The following DNAH11 variants were observed in gnomAD, a reference collection of about 807,000 sequenced individuals.
The protein encoded by DNAH11 is axonemal beta dynein heavy chain 11.
Under a neutral mutation model 526.0 loss-of-function variants are expected in DNAH11, and 442 were observed. That is an observed-to-expected ratio of 0.84 (90% CI 0.78 to 0.91). The LOEUF (loss-of-function observed/expected upper bound fraction) is 0.91. Ranked by LOEUF, DNAH11 falls within the 40% of genes least tolerant of loss-of-function variation. The pLI is 0.00. For missense variants in DNAH11, 6,989 were observed against 5,448.7 expected, an observed-to-expected ratio of 1.28 and a Z score of -8.90; for synonymous variants, 2,461 against 1,935.9, an observed-to-expected ratio of 1.27 and a Z score of -7.12.
chr7:21,760,794 T>C lies in DNAH11; in HGVS notation c.8941-4634T>C, dbSNP rs537564205. Among the ~76,000 whole-genome samples the C allele has an allele frequency of 2.0e-5, 3 of 152,308 alleles. No individual in the cohort carries two copies. The South Asian group carries it at 6.2e-4, about 32-fold the overall frequency. ...CCATTAGAGTCCATGAAATGCTGGT[T>C]AGCCACCTTCCCACCAGTCTGTGTA... On this transcript the variant is annotated intron_variant, in intron 54 of 81. Coordinates refer to ENST00000409508, the MANE Select transcript of DNAH11 (RefSeq NM_001277115.2).
At chr7:21,705,439 A>C in intron 38 of DNAH11, 21 bp from the exon 39 acceptor site, 2 of 1,613,160 alleles carry the variant, frequency 1.2e-6, no homozygotes, top group East Asian at 4.5e-5. Flanking sequence ...GGAAACCAGC[A>C]ACCAGCTGTT....
chr7:21,871,561 C>G (rs1001243643), intron 73 of DNAH11, among the ~76,000 whole-genome samples: 1 of 152,162 alleles, frequency 6.6e-6, no homozygotes, highest in African/African-American at 2.4e-5. Flanking sequence ...GCCCATAAGA[C>G]AGAGAATGAA....
intron 65 of DNAH11, among the ~76,000 whole-genome samples, chr7:21,842,306 A>G (rs1032737138): frequency 3.3e-5 from 5 of 152,204 alleles, no homozygotes; most frequent in African/African-American, 4.8e-5. Flanking sequence ...CAGTGACACT[A>G]TGGGGTGAGT....
intron 57 of DNAH11, among the ~76,000 whole-genome samples, chr7:21,783,357 C>T (rs1247404517): frequency 6.6e-6 from 1 of 152,206 alleles, no homozygotes; most frequent in Non-Finnish European, 1.5e-5. Flanking sequence ...AGGGTAATTA[C>T]TGCTAATAAA....
At chr7:21,876,715 A>G (rs766763233) in intron 74 of DNAH11, among the ~76,000 whole-genome samples, 35 of 152,232 alleles carry the variant, frequency 2.3e-4, no homozygotes, top group Non-Finnish European at 4.8e-4. Flanking sequence ...CAGCCCCCAT[A>G]TCCACATTCC....
At chr7:21,796,381 T>C (rs1008970179) in intron 61 of DNAH11, among the ~76,000 whole-genome samples, 7 of 152,074 alleles carry the variant, frequency 4.6e-5, no homozygotes, top group Non-Finnish European at 7.4e-5. Context: ...CATTTGCCTT[T>C]TGGAAAGATA....
At chr7:21,668,069 CTT>C (rs1436510092) in intron 30 of DNAH11, among the ~76,000 whole-genome samples, 2 of 152,222 alleles carry the variant, frequency 1.3e-5, no homozygotes, top group East Asian at 3.9e-4. Flanking sequence ...TTCTAATATA[CTT>C]GATAGAAAAA....
At chr7:21,570,028 A>T in intron 6 of DNAH11, 41 bp from the exon 7 acceptor site, 1 of 1,442,452 alleles carries the variant, frequency 6.9e-7, no homozygotes, top group Non-Finnish European at 9.3e-7. Flanking sequence ...AAAAACTGTT[A>T]AACATAGTTT....
intron 28 of DNAH11, among the ~76,000 whole-genome samples, chr7:21,651,233 A>C (rs1781752263): frequency 6.6e-6 from 1 of 152,244 alleles, no homozygotes; most frequent in South Asian, 2.1e-4. Context: ...TATCCCATTA[A>C]TAAGCGGCAG....
At chr7:21,740,629 G>A (rs1295834680) in intron 48 of DNAH11, among the ~76,000 whole-genome samples, 1 of 152,174 alleles carries the variant, frequency 6.6e-6, no homozygotes, top group Non-Finnish European at 1.5e-5. Flanking sequence ...ATTCGTTGAT[G>A]GACACTTGGG....
Position 21,878,190 on chromosome 7 carries a change from C to G in DNAH11, c.12196-2512C>G, listed in dbSNP as rs575840908. Among the ~76,000 whole-genome samples, 10 of 152,286 alleles carry G rather than the reference C, an allele frequency of 6.6e-5. No individual in the cohort carries two copies. In the South Asian group the frequency reaches 1.7e-3, roughly 25 times the overall value. ...CCTGAACTGTGGAATGGTAGGTAGA[C>G]TCATACCTTTTCTTCAGAAAGCCTG... On this transcript the variant is annotated intron_variant, in intron 74 of 81. Transcript: ENST00000409508.
At chr7:21,776,012 C>G (rs1009755700) in intron 56 of DNAH11, among the ~76,000 whole-genome samples, 1 of 152,262 alleles carries the variant, frequency 6.6e-6, no homozygotes, top group Middle Eastern at 3.4e-3. Context: ...CTGGACCATT[C>G]CAGTGGTGGC....
intron 30 of DNAH11, among the ~76,000 whole-genome samples, chr7:21,660,311 A>G (rs550039192): frequency 2.0e-5 from 3 of 152,196 alleles, no homozygotes; most frequent in Admixed American, 6.6e-5. Flanking sequence ...ATACTTGGTT[A>G]AAATAATATC....
rs758562003 is a variant in DNAH11, at chr7:21,637,645, T to C, written c.4760T>C (p.Val1587Ala). 11 of 1,590,108 alleles carry C rather than the reference T, an allele frequency of 6.9e-6. No individual in the cohort carries two copies. Among genetic ancestry groups the C allele is most frequent in the Non-Finnish European group, 9.4e-6 (11 of 1,167,416 alleles). ...LMFKTAKVENVLEATCRPNLY... is the reference protein window; with the variant it reads ...LMFKTAKVENALEATCRPNLY... Reference sequence around the variant, plus strand: ...TTCAAGACAGCCAAAGTAGAAAATGTGTTAGAAGCAACGTGCAGACCTAAT... The same window carrying C: ...TTCAAGACAGCCAAAGTAGAAAATGCGTTAGAAGCAACGTGCAGACCTAAT... The change falls in exon 27 of 82, where the codon GTG becomes GCG. Residue 1587 changes from valine to alanine, a missense_variant. By Grantham distance (64) the Val-to-Ala change is moderately conservative (BLOSUM62 0). Transcript: ENST00000409508.
intron 28 of DNAH11, among the ~76,000 whole-genome samples, chr7:21,646,483 G>A (rs1271119571): frequency 6.6e-6 from 1 of 152,156 alleles, no homozygotes; most frequent in Admixed American, 6.5e-5. Context: ...AACCCAGACA[G>A]AGTCCAAAGT....
chr7:21,756,183 A>AT (rs1365632011), intron 54 of DNAH11, among the ~76,000 whole-genome samples: 2 of 152,192 alleles, frequency 1.3e-5, no homozygotes, highest in East Asian at 3.9e-4. Context: ...AATTTATAAT[A>AT]TTTTTAATGT....
intron 61 of DNAH11, 79 bp from the exon 62 acceptor site, chr7:21,801,058 G>A (rs1411624996): frequency 2.7e-6 from 4 of 1,457,442 alleles, no homozygotes; most frequent in Non-Finnish European, 2.8e-6. Flanking sequence ...TTACCTTACA[G>A]TAACAGATGT....
chr7:21,789,480 T>A (rs1788340650), intron 61 of DNAH11, 138 bp downstream of exon 61: 2 of 578,646 alleles, frequency 3.5e-6, no homozygotes, highest in Non-Finnish European at 6.2e-6. Context: ...TGTATTTCCT[T>A]ATATACCATT....
chr7:21,589,119 A>G (rs1784583101), intron 11 of DNAH11, 89 bp from the exon 12 acceptor site: 3 of 997,888 alleles, frequency 3.0e-6, no homozygotes, highest in Non-Finnish European at 4.2e-6. Flanking sequence ...ATAGTGTATT[A>G]TATTTTATAT....
Sources: gnomAD v4.1 joint callset for allele counts (sites outside exome capture counted in the v4.1 genomes callset) on GRCh38, gnomAD v4.1.1 for gene constraint, MANE v1.5 for transcripts, NCBI Gene and HGNC (gene_info 2026-07-23, HGNC 2026-07-21) for gene names.